Variants in RORA observed in about 807,000 individuals in gnomAD.
The protein encoded by RORA is RAR related orphan receptor A, also known as nuclear receptor ROR-alpha.
A neutral mutation model predicts 69.5 loss-of-function variants in RORA; 7 were observed. That is an observed-to-expected ratio of 0.10 (90% CI 0.06 to 0.19). RORA has a LOEUF of 0.19. Among genes scored for constraint, RORA ranks in the 10% least tolerant of loss-of-function variants. RORA has a pLI of 1.00. For synonymous variants in RORA, 261 were observed against 240.8 expected, an observed-to-expected ratio of 1.08 and a Z score of -0.78; for missense variants, 457 against 663.0, an observed-to-expected ratio of 0.69 and a Z score of 3.41.
At chr15:61,113,917 C>A (rs530900772) in intron 1 of RORA, among the ~76,000 whole-genome samples, 1 of 152,282 alleles carries the variant, frequency 6.6e-6, no homozygotes, top group Non-Finnish European at 1.5e-5. Context: ...CCACGAATAG[C>A]TGTTCTTTGA....
At chr15:60,733,166 T>C (rs2071451841) in intron 1 of RORA, among the ~76,000 whole-genome samples, 2 of 152,196 alleles carry the variant, frequency 1.3e-5, no homozygotes, top group South Asian at 4.1e-4. Flanking sequence ...TGGAGGTAAA[T>C]AAGGAAATGC....
intron 2 of RORA, among the ~76,000 whole-genome samples, chr15:60,665,147 A>G (rs2070361939): frequency 6.6e-6 from 1 of 152,216 alleles, no homozygotes; most frequent in Non-Finnish European, 1.5e-5. Context: ...AAAATTCAAT[A>G]AGTAATCTGG....
intron 1 of RORA, among the ~76,000 whole-genome samples, chr15:60,820,030 A>G (rs1384714470): frequency 6.6e-6 from 1 of 152,318 alleles, no homozygotes; most frequent in Non-Finnish European, 1.5e-5. Flanking sequence ...CTAACATCCC[A>G]AACTAAAAGT....
rs548933478 is a variant in RORA at position 61,122,143 on chromosome 15, T to A, written c.166+106910A>T. Among the ~76,000 whole-genome samples, 14 of 152,326 alleles carry A rather than the reference T, an allele frequency of 9.2e-5. No homozygotes were observed. The South Asian group carries it at 2.9e-3, about 32-fold the overall frequency. ...TCCGGATGGCATCTCAGCAGTTCTT[T>A]ACATTGAGAGAACTTCTTTCTTTCT... On this transcript the variant is annotated intron_variant, in intron 1 of 10. Coordinates refer to ENST00000335670, the MANE Select transcript of RORA (RefSeq NM_134261.3).
At chr15:60,906,994 A>T (rs1891561307) in intron 1 of RORA, among the ~76,000 whole-genome samples, 3 of 152,236 alleles carry the variant, frequency 2.0e-5, no homozygotes. Context: ...TGAGTGTGTG[A>T]CTCAAAATGC....
At chr15:60,929,777 C>T (rs965789224) in intron 1 of RORA, among the ~76,000 whole-genome samples, 3 of 152,132 alleles carry the variant, frequency 2.0e-5, no homozygotes, top group Admixed American at 1.3e-4. Context: ...GCATAATAGC[C>T]ATCTGGGAGT....
intron 1 of RORA, among the ~76,000 whole-genome samples, chr15:60,827,702 A>G (rs905368846): frequency 6.6e-6 from 1 of 152,118 alleles, no homozygotes; most frequent in Non-Finnish European, 1.5e-5. Context: ...GGGTTGGGTG[A>G]GCAGCTGCCT....
rs1896685483 is a variant in RORA at position 61,040,154 on chromosome 15, A to ATGATT, written c.166+188898_166+188899insAATCA. Among the ~76,000 whole-genome samples the ATGATT allele has an allele frequency of 1.0e-4, 13 of 126,030 alleles. 1 individual carries two copies. The highest frequency in any genetic ancestry group is 6.9e-4 in the Admixed American group (9 of 13,100). The allele number at this position is 126,030 out of a possible 152,430, so 82.7% of individuals were successfully genotyped here. ...TATATATATATATATATATATATAT[A>ATGATT]TATATATATAAAATATATGAAATAT... is the stretch of plus-strand genomic sequence containing the variant. On this transcript the variant is annotated intron_variant, in intron 1 of 10. Transcript: ENST00000335670.
At chr15:60,690,292 C>G (rs1434948030) in intron 1 of RORA, among the ~76,000 whole-genome samples, 1 of 152,192 alleles carries the variant, frequency 6.6e-6, no homozygotes, top group Non-Finnish European at 1.5e-5. Context: ...AGATTCTTAC[C>G]AAGACATGTG....
intron 1 of RORA, among the ~76,000 whole-genome samples, chr15:60,866,071 T>C (rs1472904478): frequency 2.6e-5 from 4 of 152,240 alleles, no homozygotes; most frequent in African/African-American, 7.2e-5. Flanking sequence ...TCTCCTCTTT[T>C]AGTTATTTTG....
intron 2 of RORA, among the ~76,000 whole-genome samples, chr15:60,566,745 A>C (rs1005388476): frequency 6.6e-6 from 1 of 152,182 alleles, no homozygotes; most frequent in Non-Finnish European, 1.5e-5. Flanking sequence ...TTCCCTAGGC[A>C]GTGAAAGTTG....
chr15:60,660,954 A>G (rs1317178426), intron 2 of RORA, among the ~76,000 whole-genome samples: 1 of 152,036 alleles, frequency 6.6e-6, no homozygotes, highest in African/African-American at 2.4e-5. Context: ...CTTAAAACAG[A>G]AGCATTTTCA....
At chr15:60,826,689 T>A (rs2072963497) in intron 1 of RORA, among the ~76,000 whole-genome samples, 1 of 150,762 alleles carries the variant, frequency 6.6e-6, no homozygotes, top group Non-Finnish European at 1.5e-5. Flanking sequence ...GAGGGTATAA[T>A]TTATCTGAAA....
chr15:60,909,695 G>C (rs899937984), intron 1 of RORA, among the ~76,000 whole-genome samples: 1 of 152,214 alleles, frequency 6.6e-6, no homozygotes, highest in South Asian at 2.1e-4. Context: ...GGTCACATTA[G>C]GGGACAGAAC....
intron 2 of RORA, among the ~76,000 whole-genome samples, chr15:60,591,935 G>A (rs1440340668): frequency 6.6e-6 from 1 of 151,982 alleles, no homozygotes; most frequent in African/African-American, 2.4e-5. Context: ...CAACGCGCAC[G>A]CACGGCCCTG....
rs1388081165 is a variant in RORA at position 60,531,446 on chromosome 15, T to G, written c.282+320A>C. 1 of 251,246 alleles carries G rather than the reference T, an allele frequency of 4.0e-6. No individual in the cohort carries two copies. The highest frequency in any genetic ancestry group is 7.4e-6 in the Non-Finnish European group (1 of 134,728). 15.6% of individuals were successfully genotyped at this position (251,246 alleles called of 1,614,324 possible). ...TTTTTATAAGCTTATGACAGGGACA[T>G]TGTAGAAGTCTGGAGTTAGCTCTTT... is the stretch of plus-strand genomic sequence containing the variant. On this transcript the variant is annotated intron_variant, in intron 3 of 10. Transcript: ENST00000335670. This position sits in a 1 kb window ranked among gnomAD's most constrained non-coding sequence, Gnocchi z 4.8.
intron 1 of RORA, among the ~76,000 whole-genome samples, chr15:60,979,377 T>C (rs1893972313): frequency 6.6e-6 from 1 of 151,734 alleles, no homozygotes; most frequent in East Asian, 1.9e-4. Flanking sequence ...GCTTGAATTT[T>C]AGGGTCAACT....
chr15:61,180,730 C>T (rs2079676571), intron 1 of RORA, among the ~76,000 whole-genome samples: 1 of 152,200 alleles, frequency 6.6e-6, no homozygotes, highest in Admixed American at 6.5e-5. Context: ...ACCTTGAAGG[C>T]AGGGCCTGTG....
At chr15:61,158,402 A>G (rs576047664) in intron 1 of RORA, among the ~76,000 whole-genome samples, 1 of 152,340 alleles carries the variant, frequency 6.6e-6, no homozygotes, top group East Asian at 1.9e-4. Context: ...GGAAATCTGC[A>G]GCATTAATTG....
Sources: gnomAD v4.1 joint callset for allele counts (sites outside exome capture counted in the v4.1 genomes callset) on GRCh38, gnomAD v4.1.1 for gene constraint, Gnocchi (gnomAD v3.1) non-coding constraint, MANE v1.5 for transcripts, NCBI Gene and HGNC (gene_info 2026-07-23, HGNC 2026-07-21) for gene names.